The following THSD7A variants were observed in gnomAD, a reference collection of about 807,000 sequenced individuals.
THSD7A encodes the protein thrombospondin type 1 domain containing 7A, also known as thrombospondin type-1 domain-containing protein 7A.
THSD7A carries 96 observed loss-of-function variants against 231.3 expected under a neutral mutation model. The ratio of observed to expected loss-of-function variants is 0.41; its 90% confidence interval spans 0.35 to 0.49. THSD7A has a LOEUF of 0.49. Among genes scored for constraint, THSD7A ranks in the 20% least tolerant of loss-of-function variants. The pLI is 0.05. For synonymous variants in THSD7A, 940 were observed against 743.3 expected (o/e 1.26, Z -4.30); for missense variants, 2,290 against 2,070.2 (o/e 1.11, Z -2.06).
chr7:11,571,648 A>G (rs1327110443), intron 4 of THSD7A, among the ~76,000 whole-genome samples: 1 of 152,206 alleles, frequency 6.6e-6, no homozygotes, highest in Non-Finnish European at 1.5e-5. Context: ...ATTTCTCTGA[A>G]GATGTCCGTT....
In THSD7A at chr7:11,812,710, A is replaced by G. The variant is rs576798995; in HGVS notation, c.190+19047T>C. Among the ~76,000 whole-genome samples, 371 of 152,334 alleles carry G rather than the reference A, an allele frequency of 2.4e-3. 1 individual carries two copies. Among genetic ancestry groups the G allele is most frequent in the African/African-American group, 8.5e-3 (353 of 41,576 alleles). On this transcript the variant is annotated intron_variant, in intron 1 of 27. Coordinates refer to ENST00000423059, the MANE Select transcript of THSD7A (RefSeq NM_015204.3). ...GTCTTGGAGACTTATTCTTCACATAACTGGAGAGTATTTTCCCTGACCTTG... is the reference window on the plus strand; with the variant it reads ...GTCTTGGAGACTTATTCTTCACATAGCTGGAGAGTATTTTCCCTGACCTTG...
chr7:11,495,076 T>G (rs547506375), intron 6 of THSD7A, among the ~76,000 whole-genome samples: 1 of 152,082 alleles, frequency 6.6e-6, no homozygotes, highest in Non-Finnish European at 1.5e-5. Flanking sequence ...AGTAATGCTT[T>G]TATGGGCAAC....
chr7:11,543,809 G>GC (rs1554334811), intron 4 of THSD7A, among the ~76,000 whole-genome samples: 1 of 151,766 alleles, frequency 6.6e-6, no homozygotes, highest in African/African-American at 2.4e-5. Flanking sequence ...GCTTGTCCTT[G>GC]TTTTTTTGTT....
intron 4 of THSD7A, among the ~76,000 whole-genome samples, chr7:11,546,856 A>G (rs1789421562): frequency 6.6e-6 from 1 of 152,186 alleles, no homozygotes; most frequent in Non-Finnish European, 1.5e-5. Context: ...TTTTAAGAAA[A>G]AAAACAAACT....
intron 2 of THSD7A, among the ~76,000 whole-genome samples, chr7:11,615,548 A>T (rs1781077250): frequency 1.3e-5 from 2 of 152,146 alleles, no homozygotes; most frequent in Admixed American, 1.3e-4. Flanking sequence ...CCAATATACT[A>T]GTTTTCTAAT....
At chr7:11,674,662 A>C (rs1771812553) in intron 1 of THSD7A, among the ~76,000 whole-genome samples, 1 of 152,158 alleles carries the variant, frequency 6.6e-6, no homozygotes, top group South Asian at 2.1e-4. Flanking sequence ...CATACTCACA[A>C]GGGAGACAAG....
At chr7:11,652,600 T>C (rs569916871) in intron 1 of THSD7A, among the ~76,000 whole-genome samples, 63 of 152,120 alleles carry the variant, frequency 4.1e-4, no homozygotes, top group African/African-American at 1.4e-3. Context: ...CTTCTACATA[T>C]TTATTCTTTA....
At chr7:11,514,427 C>G (rs1787942697) in intron 6 of THSD7A, among the ~76,000 whole-genome samples, 1 of 152,008 alleles carries the variant, frequency 6.6e-6, no homozygotes, top group Non-Finnish European at 1.5e-5. Flanking sequence ...AACAAGTAAA[C>G]ATGATATGTT....
rs530519697 is a variant in THSD7A at position 11,517,736 on chromosome 7, T to C, written c.1822+23683A>G. On this transcript the variant is annotated intron_variant, in intron 6 of 27. Transcript: ENST00000423059. The stretch of plus-strand genomic sequence containing the variant: ...ATGAGATACATAGAAGATAATTTTA[T>C]AGTAGGTTTATTTTTCTGATCCCTT... Among the ~76,000 whole-genome samples, 14 of 152,342 alleles carry C rather than the reference T, an allele frequency of 9.2e-5. No homozygotes were observed. The South Asian group carries it at 2.9e-3, about 32-fold the overall frequency.
intron 1 of THSD7A, among the ~76,000 whole-genome samples, chr7:11,769,757 T>G (rs987762991): frequency 3.9e-5 from 6 of 152,192 alleles, no homozygotes; most frequent in African/African-American, 1.4e-4. Flanking sequence ...GTTTGCATTT[T>G]CAGTTTTATT....
chr7:11,809,925 G>T (rs544182602), intron 1 of THSD7A, among the ~76,000 whole-genome samples: 2 of 152,174 alleles, frequency 1.3e-5, no homozygotes, highest in African/African-American at 4.8e-5. Flanking sequence ...TGAAGGTAGT[G>T]GTTCTAGAAC....
In THSD7A at chr7:11,373,469, C is replaced by T. The variant is rs573775877; in HGVS notation, c.*2325G>A. ...AAAGTAACAATATTATTTTTTCTTC[C>T]TCTTTAATAAAACAGATAAAATGGA... On this transcript the variant is annotated 3_prime_UTR_variant, in exon 28 of 28. Coordinates refer to ENST00000423059, the MANE Select transcript of THSD7A (RefSeq NM_015204.3). 11 of 151,826 alleles carry T rather than the reference C, an allele frequency of 7.2e-5. No individual in the cohort carries two copies. The South Asian group carries it at 1.9e-3, about 26-fold the overall frequency. The allele number at this position is 151,826 out of a possible 1,614,324, so 9.4% of individuals were successfully genotyped here. A position where few individuals can be genotyped will look rare whatever the true frequency, so the allele number is the denominator to read the frequency against.
chr7:11,475,602 ATAT>A, intron 7 of THSD7A, among the ~76,000 whole-genome samples: 1 of 111,798 alleles, frequency 8.9e-6, no homozygotes, highest in South Asian at 3.0e-4. Flanking sequence ...TATAACATAT[ATAT>A]AACATATATA....
At position 11,593,324 on chromosome 7, in the gene THSD7A, T is replaced by C; in HGVS notation, c.1201A>G (p.Lys401Glu). 1 of 1,613,994 alleles carries C rather than the reference T, an allele frequency of 6.2e-7. No homozygotes were observed. Among genetic ancestry groups the C allele is most frequent in the Non-Finnish European group, 8.5e-7 (1 of 1,179,884 alleles). The change falls in exon 3 of 28, where the codon AAG becomes GAG. Residue 401 changes from lysine (K) to glutamate (E), a missense_variant. Transcript: ENST00000423059. Reference protein sequence around the residue: ...TIRQFPIGSEKECPEFEEKEP... With the variant: ...TIRQFPIGSEEECPEFEEKEP... The stretch of plus-strand genomic sequence containing the variant: ...TTTTCTTCAAATTCTGGACACTCCT[T>C]TTCACTGCCAATGGGAAACTGCCTG...
At chr7:11,722,611 T>G (rs1321448776) in intron 1 of THSD7A, among the ~76,000 whole-genome samples, 1 of 151,746 alleles carries the variant, frequency 6.6e-6, no homozygotes, top group Non-Finnish European at 1.5e-5. Context: ...CCTAGCCTCC[T>G]GCCCACCAAA....
intron 1 of THSD7A, among the ~76,000 whole-genome samples, chr7:11,724,859 T>C (rs921124801): frequency 3.3e-5 from 5 of 151,778 alleles, no homozygotes; most frequent in East Asian, 2.0e-4. Flanking sequence ...GGAGGCTGAG[T>C]GTGGTAATCA....
At chr7:11,777,414 T>TACACACACACACACAC (rs66487858) in intron 1 of THSD7A, among the ~76,000 whole-genome samples, 1 of 147,164 alleles carries the variant, frequency 6.8e-6, no homozygotes, top group African/African-American at 2.5e-5. Context: ...GTAAATTAAG[T>TACACACACACACACAC]ACACACACAC....
intron 4 of THSD7A, among the ~76,000 whole-genome samples, chr7:11,546,357 T>A (rs1366834032): frequency 2.0e-5 from 3 of 152,100 alleles, no homozygotes; most frequent in African/African-American, 7.2e-5. Context: ...GCTAGCTGAC[T>A]AGGAACACCT....
chr7:11,742,821 G>A (rs1237487857), intron 1 of THSD7A, among the ~76,000 whole-genome samples: 1 of 151,862 alleles, frequency 6.6e-6, no homozygotes, highest in African/African-American at 2.4e-5. Flanking sequence ...CCTTTCCACT[G>A]CCAGTGCTTT....
Sources: gnomAD v4.1 joint callset for allele counts (sites outside exome capture counted in the v4.1 genomes callset) on GRCh38, gnomAD v4.1.1 for gene constraint, MANE v1.5 for transcripts, NCBI Gene and HGNC (gene_info 2026-07-23, HGNC 2026-07-21) for gene names.